KCNH7: variants seen among roughly 807,000 people sequenced by gnomAD.
The protein encoded by KCNH7 is potassium voltage-gated channel subfamily H member 7.
KCNH7 carries 49 observed loss-of-function variants against 120.8 expected under a neutral mutation model. The ratio of observed to expected loss-of-function variants is 0.41; its 90% CI spans 0.32 to 0.51. The LOEUF (loss-of-function observed/expected upper bound fraction) is 0.51. Among genes scored for constraint, KCNH7 ranks in the 20% least tolerant of loss-of-function variants. KCNH7 has a pLI of 0.38. For missense variants in KCNH7, 1,097 were observed against 1,446.6 expected, an observed-to-expected ratio of 0.76 and a Z score of 3.92; for synonymous variants, 547 against 516.1, an observed-to-expected ratio of 1.06 and a Z score of -0.81.
rs201110705 is a variant in KCNH7 at position 162,694,597 on chromosome 2, AT to A, written c.307+141939del. ...CATTCTCTGGGAGTGAGGATTCATA[AT>A]CAGAGGTTATCTCATTAGTTCATGC... On this transcript the variant is annotated intron_variant, in intron 2 of 15. Coordinates refer to ENST00000332142, the MANE Select transcript of KCNH7 (RefSeq NM_033272.4). 4.4e-4 allele frequency among the ~76,000 whole-genome samples: 67 copies of A among 152,198 alleles called. No individual in the cohort carries two copies. In the East Asian group the frequency reaches 0.013, roughly 29 times the overall value.
At chr2:162,502,899 G>A (rs771884257) in intron 6 of KCNH7, among the ~76,000 whole-genome samples, 2 of 152,018 alleles carry the variant, frequency 1.3e-5, no homozygotes, top group East Asian at 1.9e-4. Context: ...GCCTTAAGAT[G>A]TGTTTTGTTC....
rs116148552 is a variant in KCNH7, at chr2:162,575,977, G to A, written c.308-38897C>T. On this transcript the variant is annotated intron_variant, in intron 2 of 15. Coordinates refer to ENST00000332142, the MANE Select transcript of KCNH7 (RefSeq NM_033272.4). ...ACAGCTGACTCACTTGAAGAAAATGGGGTTTTTCCATATACAACTTTGAGA... is the reference window on the plus strand; with the variant it reads ...ACAGCTGACTCACTTGAAGAAAATGAGGTTTTTCCATATACAACTTTGAGA... 3.1e-3 allele frequency among the ~76,000 whole-genome samples: 476 copies of A among 152,070 alleles called. 2 individuals carry two copies. The highest frequency in any genetic ancestry group is 5.7e-3 in the Non-Finnish European group (388 of 67,972).
At chr2:162,698,817 CT>C (rs1162785859) in intron 2 of KCNH7, among the ~76,000 whole-genome samples, 2 of 152,074 alleles carry the variant, frequency 1.3e-5, no homozygotes, top group Admixed American at 6.6e-5. Context: ...AAAATACCCC[CT>C]ATGTTATAAT....
chr2:162,829,042 T>A (rs999841914), intron 2 of KCNH7, among the ~76,000 whole-genome samples: 1 of 152,118 alleles, frequency 6.6e-6, no homozygotes, highest in African/African-American at 2.4e-5. Flanking sequence ...AATTAGATAT[T>A]TCATGTAAAT....
chr2:162,771,177 T>C (rs1683039769), intron 2 of KCNH7, among the ~76,000 whole-genome samples: 1 of 152,148 alleles, frequency 6.6e-6, no homozygotes, highest in African/African-American at 2.4e-5. Context: ...CATTACTGGC[T>C]CCTTGAAATA....
rs1203733553 is a variant in KCNH7 at position 162,643,616 on chromosome 2, G to T, written c.308-106536C>A. Among the ~76,000 whole-genome samples, 3 of 151,956 alleles carry T rather than the reference G, an allele frequency of 2.0e-5. No homozygotes were observed. The East Asian group carries it at 5.8e-4, about 30-fold the overall frequency. ...AAGGTCAGGAGATCAAGACCATCCTGGCCAACATGGTGAAACCCCGTCTCT... is the reference window on the plus strand; with the variant it reads ...AAGGTCAGGAGATCAAGACCATCCTTGCCAACATGGTGAAACCCCGTCTCT... On this transcript the variant is annotated intron_variant, in intron 2 of 15. Coordinates refer to ENST00000332142, the MANE Select transcript of KCNH7 (RefSeq NM_033272.4).
At chr2:162,616,257 G>A (rs912964002) in intron 2 of KCNH7, among the ~76,000 whole-genome samples, 1 of 152,122 alleles carries the variant, frequency 6.6e-6, no homozygotes. Flanking sequence ...CCCTTACATT[G>A]TAATGTTTAT....
chr2:162,396,329 G>A (rs1686911326), intron 11 of KCNH7, among the ~76,000 whole-genome samples: 1 of 151,738 alleles, frequency 6.6e-6, no homozygotes. Flanking sequence ...TTATTATTGT[G>A]AAGACACTGA....
chr2:162,722,738 T>C (rs1461428216), intron 2 of KCNH7, among the ~76,000 whole-genome samples: 1 of 151,964 alleles, frequency 6.6e-6, no homozygotes, highest in South Asian at 2.1e-4. Context: ...AATATGTGTG[T>C]ATATTGGCCC....
chr2:162,824,340 G>A (rs964197638), intron 2 of KCNH7, among the ~76,000 whole-genome samples: 1 of 152,138 alleles, frequency 6.6e-6, no homozygotes, highest in Non-Finnish European at 1.5e-5. Flanking sequence ...TGCAATTTTC[G>A]AATGAATAGA....
At chr2:162,676,347 T>A (rs10202060) in intron 2 of KCNH7, among the ~76,000 whole-genome samples, 19,824 of 151,432 alleles carry the variant, frequency 0.13, 1,490 homozygotes, top group East Asian at 0.34. Context: ...ACCTCCAAAT[T>A]TCTGTTGGGT....
At chr2:162,558,794 T>C (rs1344154866) in intron 2 of KCNH7, among the ~76,000 whole-genome samples, 1 of 151,078 alleles carries the variant, frequency 6.6e-6, no homozygotes, top group African/African-American at 2.4e-5. Context: ...AAAAAGACAA[T>C]ATGGTCACGC....
intron 3 of KCNH7, among the ~76,000 whole-genome samples, chr2:162,526,148 C>T (rs1691697492): frequency 6.6e-6 from 1 of 151,766 alleles, no homozygotes; most frequent in South Asian, 2.1e-4. Context: ...GTAAAACCAG[C>T]AAGTTTTTAT....
At chr2:162,641,778 T>C (rs1392875786) in intron 2 of KCNH7, among the ~76,000 whole-genome samples, 2 of 152,158 alleles carry the variant, frequency 1.3e-5, no homozygotes, top group African/African-American at 2.4e-5. Flanking sequence ...AATGTTATCA[T>C]TGGTGGAAAC....
At chr2:162,388,621 G>C (rs1401530046) in intron 12 of KCNH7, among the ~76,000 whole-genome samples, 3 of 151,752 alleles carry the variant, frequency 2.0e-5, no homozygotes, top group African/African-American at 7.3e-5. Flanking sequence ...ACATACCAAA[G>C]TATAATACCA....
At chr2:162,508,974 C>A (rs1574044186) in intron 5 of KCNH7, among the ~76,000 whole-genome samples, 1 of 151,602 alleles carries the variant, frequency 6.6e-6, no homozygotes, top group African/African-American at 2.4e-5. Flanking sequence ...TTCAGAGAAG[C>A]ATTTGCAAGA....
At chr2:162,431,311 C>T (rs890681313) in intron 8 of KCNH7, among the ~76,000 whole-genome samples, 2 of 151,890 alleles carry the variant, frequency 1.3e-5, no homozygotes, top group Admixed American at 6.6e-5. Context: ...CATATACGAT[C>T]TTTTATCACA....
rs541279866 is a variant in KCNH7 at position 162,783,563 on chromosome 2, T to A, written c.307+52974A>T. 1.0e-3 allele frequency among the ~76,000 whole-genome samples: 153 copies of A among 152,330 alleles called. No homozygotes were observed. In the Middle Eastern group the frequency reaches 0.014, roughly 14 times the overall value. Reference sequence around the variant, plus strand: ...TGATCCAAGGTTTAAGAATAACATTTAATCCCAACTTCTGCTTCCGAATGC... The same window carrying A: ...TGATCCAAGGTTTAAGAATAACATTAAATCCCAACTTCTGCTTCCGAATGC... On this transcript the variant is annotated intron_variant, in intron 2 of 15. Coordinates refer to ENST00000332142, the MANE Select transcript of KCNH7 (RefSeq NM_033272.4).
intron 2 of KCNH7, among the ~76,000 whole-genome samples, chr2:162,814,487 C>T (rs1459624744): frequency 6.6e-6 from 1 of 152,162 alleles, no homozygotes; most frequent in African/African-American, 2.4e-5. Context: ...AAAAGTAAAT[C>T]TGTCGTTTGG....
Sources: allele counts gnomAD v4.1 joint callset (sites outside exome capture counted in the v4.1 genomes callset), GRCh38; gene constraint gnomAD v4.1.1; transcripts MANE v1.5; gene names NCBI Gene and HGNC (gene_info 2026-07-23, HGNC 2026-07-21).